Variants in ROBO2 observed in about 807,000 individuals in gnomAD.
ROBO2 encodes the protein roundabout guidance receptor 2.
Under a neutral mutation model 160.8 loss-of-function variants are expected in ROBO2, and 53 were observed. That is an observed-to-expected ratio of 0.33 (90% CI 0.26 to 0.41). The LOEUF is 0.41. Ranked by LOEUF, ROBO2 falls within the 10% of genes least tolerant of loss-of-function variation. The probability of loss-of-function intolerance (pLI) is 1.00; values close to 1 mark genes in which losing one functional copy is unlikely to be tolerated. For synonymous variants in ROBO2, 664 were observed against 611.7 expected (o/e 1.09, Z -1.26); for missense variants, 1,577 against 1,722.4 (o/e 0.92, Z 1.49).
intron 2 of ROBO2, among the ~76,000 whole-genome samples, chr3:76,309,542 T>C (rs1292779705): frequency 1.3e-5 from 2 of 152,176 alleles, no homozygotes; most frequent in African/African-American, 4.8e-5. Flanking sequence ...CTTAACAAGA[T>C]AACTTGCTCT....
intron 2 of ROBO2, among the ~76,000 whole-genome samples, chr3:76,032,933 T>G (rs562851903): frequency 8.5e-5 from 13 of 152,214 alleles, no homozygotes; most frequent in Non-Finnish European, 1.6e-4. Flanking sequence ...TACTGCTTGT[T>G]TAGACAAGAT....
intron 2 of ROBO2, among the ~76,000 whole-genome samples, chr3:76,772,378 G>A (rs2061959834): frequency 6.7e-6 from 1 of 150,222 alleles, no homozygotes; most frequent in African/African-American, 2.4e-5. Flanking sequence ...ACATTTATAT[G>A]TATATAAATA....
chr3:76,163,929 T>C (rs2072733115), intron 2 of ROBO2, among the ~76,000 whole-genome samples: 2 of 152,150 alleles, frequency 1.3e-5, no homozygotes, highest in Admixed American at 6.5e-5. Context: ...ATTTACCACA[T>C]TAATTGACTC....
At chr3:77,561,742 T>A (rs2093328141) in intron 9 of ROBO2, among the ~76,000 whole-genome samples, 1 of 152,186 alleles carries the variant, frequency 6.6e-6, no homozygotes, top group African/African-American at 2.4e-5. Flanking sequence ...CTATTCATTT[T>A]TCCACTACTG....
At chr3:77,233,721 C>A (rs1225593253) in intron 2 of ROBO2, among the ~76,000 whole-genome samples, 1 of 151,914 alleles carries the variant, frequency 6.6e-6, no homozygotes, top group East Asian at 1.9e-4. Flanking sequence ...ATGTTACATT[C>A]ATATACTGAT....
At chr3:76,329,145 A>C (rs2073280430) in intron 2 of ROBO2, among the ~76,000 whole-genome samples, 1 of 151,970 alleles carries the variant, frequency 6.6e-6, no homozygotes, top group Non-Finnish European at 1.5e-5. Flanking sequence ...CACCTACCCC[A>C]AGTCCCCCAC....
chr3:77,228,731 T>TATA (rs1465494130), intron 2 of ROBO2, among the ~76,000 whole-genome samples: 2 of 151,350 alleles, frequency 1.3e-5, no homozygotes, highest in Non-Finnish European at 2.9e-5. Flanking sequence ...AGAACTTAAG[T>TATA]ATAATAATAA....
At chr3:76,807,076 G>A (rs1033237882) in intron 2 of ROBO2, among the ~76,000 whole-genome samples, 1 of 152,020 alleles carries the variant, frequency 6.6e-6, no homozygotes, top group Non-Finnish European at 1.5e-5. Flanking sequence ...AATGGAAATA[G>A]ACTTATTTAT....
chr3:76,647,518 A>C (rs9818376), intron 2 of ROBO2, among the ~76,000 whole-genome samples: 2,415 of 152,336 alleles, frequency 0.016, 65 homozygotes, highest in African/African-American at 0.056. Flanking sequence ...AGAAAGAAAA[A>C]ATTGAAAATG....
At chr3:77,033,335 T>C (rs2063438340) in intron 2 of ROBO2, among the ~76,000 whole-genome samples, 1 of 152,226 alleles carries the variant, frequency 6.6e-6, no homozygotes, top group Non-Finnish European at 1.5e-5. Flanking sequence ...GTGAATGGTT[T>C]ACTTAAGAAC....
At chr3:77,467,775 G>A (rs984898300) in intron 2 of ROBO2, among the ~76,000 whole-genome samples, 1 of 151,594 alleles carries the variant, frequency 6.6e-6, no homozygotes, top group Non-Finnish European at 1.5e-5. Context: ...GCCAGCCTGT[G>A]TAGTTCTTAA....
intron 2 of ROBO2, among the ~76,000 whole-genome samples, chr3:76,211,210 A>G (rs931035105): frequency 7.2e-5 from 11 of 152,072 alleles, no homozygotes; most frequent in African/African-American, 2.4e-4. Flanking sequence ...CCCTTTCTGT[A>G]CAATTTTCCA....
In ROBO2 at chr3:77,497,105, C is replaced by G. The variant is rs532436812; in HGVS notation, c.806+3723C>G. 2.0e-5 allele frequency among the ~76,000 whole-genome samples: 3 copies of G among 152,124 alleles called. No homozygotes were observed. The East Asian group carries it at 5.8e-4, about 29-fold the overall frequency. ...GGACATTTTCCATGCGACCAAGGGA[C>G]AAAATGGAAAGGAGTCTACATTATA... On this transcript the variant is annotated intron_variant, in intron 5 of 25. Transcript: ENST00000461745.
chr3:77,538,882 G>A (rs767077088), intron 6 of ROBO2: 1 of 494,612 alleles, frequency 2.0e-6, no homozygotes, highest in Admixed American at 2.1e-5. Flanking sequence ...GTGGAGGCAA[G>A]CCTATTAACT....
At chr3:77,349,755 A>G (rs2068092383) in intron 2 of ROBO2, among the ~76,000 whole-genome samples, 1 of 152,132 alleles carries the variant, frequency 6.6e-6, no homozygotes, top group South Asian at 2.1e-4. Flanking sequence ...TAATGACAAT[A>G]AACATTGGAT....
chr3:76,012,936 T>A (rs2066246075), intron 2 of ROBO2, among the ~76,000 whole-genome samples: 1 of 148,640 alleles, frequency 6.7e-6, no homozygotes, highest in Non-Finnish European at 1.5e-5. Flanking sequence ...CTTACGCGTG[T>A]AATCCCAGAA....
Position 76,506,050 on chromosome 3 carries a change from A to G in ROBO2, c.109+568448A>G, listed in dbSNP as rs1034115106. Among the ~76,000 whole-genome samples, 4 of 152,302 alleles carry G rather than the reference A, an allele frequency of 2.6e-5. No individual in the cohort carries two copies. The South Asian group carries it at 8.3e-4, about 32-fold the overall frequency. On this transcript the variant is annotated intron_variant, in intron 2 of 26. Coordinates refer to the ROBO2 transcript ENST00000487694. ...GATACTGACTCACCTGAATATGAGC[A>G]CCTGCATTCTTCACTGACATCACCA...
intron 2 of ROBO2, among the ~76,000 whole-genome samples, chr3:77,277,212 CTTCTTTCTTTCTTTCTTGTCTTTCT>C (rs1580594983): frequency 1.2e-5 from 1 of 80,054 alleles, no homozygotes; most frequent in Non-Finnish European, 2.5e-5. Context: ...TTCTTTCTTT[CTTCTTTCTTTCTTTCTTGTCTTTCT>C]TTCTTTCTTT....
intron 1 of ROBO2, among the ~76,000 whole-genome samples, chr3:77,061,121 T>G (rs904285044): frequency 3.9e-5 from 6 of 152,100 alleles, no homozygotes; most frequent in Non-Finnish European, 8.8e-5. Flanking sequence ...TTTTATAAAT[T>G]TGTTTAGTAA....
Sources: allele counts gnomAD v4.1 joint callset (sites outside exome capture counted in the v4.1 genomes callset), GRCh38; gene constraint gnomAD v4.1.1; transcripts MANE v1.5; gene names NCBI Gene and HGNC (gene_info 2026-07-23, HGNC 2026-07-21).